Variants in CTNNA2 observed in about 807,000 individuals in gnomAD.
CTNNA2 encodes catenin alpha-2.
A neutral mutation model predicts 101.0 loss-of-function variants in CTNNA2; 42 were observed. The observed-to-expected ratio is 0.42, with a 90% confidence interval of 0.32 to 0.54. The LOEUF is 0.54. Among genes scored for constraint, CTNNA2 ranks in the 20% least tolerant of loss-of-function variants. The pLI, the probability that CTNNA2 is intolerant of heterozygous loss-of-function variation, is 0.14. For synonymous variants in CTNNA2, 450 were observed against 456.4 expected, an observed-to-expected ratio of 0.99 and a Z score of 0.18; for missense variants, 871 against 1,223.1, an observed-to-expected ratio of 0.71 and a Z score of 4.29.
chr2:79,701,259 C>T (rs138703495), intron 2 of CTNNA2, among the ~76,000 whole-genome samples: 22 of 152,212 alleles, frequency 1.4e-4, no homozygotes, highest in Non-Finnish European at 2.8e-4. Flanking sequence ...TGCCCAGAAT[C>T]ACATAACTAG....
At chr2:79,682,269 G>A (rs1683617108) in intron 2 of CTNNA2, among the ~76,000 whole-genome samples, 1 of 151,892 alleles carries the variant, frequency 6.6e-6, no homozygotes, top group Non-Finnish European at 1.5e-5. Context: ...AACTTAGCCA[G>A]GTGTGGTGGC....
chr2:80,513,648 G>A (rs901462813), intron 9 of CTNNA2, among the ~76,000 whole-genome samples: 14 of 152,318 alleles, frequency 9.2e-5, no homozygotes, highest in African/African-American at 3.4e-4. Context: ...TCACATGATA[G>A]ATGGAACGCA....
At chr2:80,009,283 C>T (rs1693598369) in intron 7 of CTNNA2, among the ~76,000 whole-genome samples, 1 of 152,202 alleles carries the variant, frequency 6.6e-6, no homozygotes, top group African/African-American at 2.4e-5. Flanking sequence ...TTATTTTACT[C>T]TGAGAACTGC....
intron 7 of CTNNA2, among the ~76,000 whole-genome samples, chr2:80,146,235 C>A (rs1470583445): frequency 6.6e-6 from 1 of 152,198 alleles, no homozygotes; most frequent in Non-Finnish European, 1.5e-5. Flanking sequence ...TAGCCAATAA[C>A]ACGTGGAGCA....
At chr2:80,104,166 G>A (rs184220015) in intron 7 of CTNNA2, among the ~76,000 whole-genome samples, 3 of 152,108 alleles carry the variant, frequency 2.0e-5, no homozygotes, top group South Asian at 2.1e-4. Context: ...TATGCAAAGC[G>A]CTAGAATGTG....
At position 79,513,190 on chromosome 2, in the gene CTNNA2, T is replaced by A. The variant is rs1671613953; in HGVS notation, c.-23T>A. 6.6e-6 allele frequency: 1 copy of A among 152,172 alleles called. No homozygotes were observed. The highest frequency in any genetic ancestry group is 6.6e-5 in the Admixed American group (1 of 15,236). The allele number at this position is 152,172 out of a possible 1,614,324, so 9.4% of individuals were successfully genotyped here. A position where few individuals can be genotyped will look rare whatever the true frequency, so the allele number is the denominator to read the frequency against. On this transcript the variant is annotated 5_prime_UTR_variant, in exon 1 of 19. Transcript: ENST00000402739. ...CGAGAAAGAGGAGGAGGCGAGAAAC[T>A]CCCACCGACCCACAGAGGTGAGTCC...
intron 1 of CTNNA2, among the ~76,000 whole-genome samples, chr2:79,192,080 C>CTT (rs545974483): frequency 6.7e-6 from 1 of 148,920 alleles, no homozygotes; most frequent in African/African-American, 2.5e-5. Flanking sequence ...GTTATTCCTT[C>CTT]TTTTTTTTTT....
chr2:80,215,756 C>G (rs1316209965), intron 7 of CTNNA2, among the ~76,000 whole-genome samples: 1 of 152,296 alleles, frequency 6.6e-6, no homozygotes, highest in African/African-American at 2.4e-5. Flanking sequence ...ATCTCAAACT[C>G]TGTGCTGGGA....
At chr2:79,750,331 C>T (rs756245939) in intron 3 of CTNNA2, among the ~76,000 whole-genome samples, 1 of 152,166 alleles carries the variant, frequency 6.6e-6, no homozygotes, top group Non-Finnish European at 1.5e-5. Context: ...CCAGGCCTCA[C>T]CCCTCTTCAA....
At chr2:79,875,130 T>C (rs577812380) in intron 6 of CTNNA2, among the ~76,000 whole-genome samples, 2 of 152,258 alleles carry the variant, frequency 1.3e-5, no homozygotes, top group East Asian at 1.9e-4. Context: ...ACACTGGCTG[T>C]TTCTGTAGGT....
At chr2:80,282,590 C>G (rs1674465547) in intron 7 of CTNNA2, among the ~76,000 whole-genome samples, 1 of 152,132 alleles carries the variant, frequency 6.6e-6, no homozygotes. Context: ...ACTGCTCCCT[C>G]TCTCCTATTA....
chr2:79,867,584 C>T (rs1241120878), intron 4 of CTNNA2, among the ~76,000 whole-genome samples: 2 of 152,050 alleles, frequency 1.3e-5, no homozygotes, highest in African/African-American at 2.4e-5. Context: ...CTTAAGTTTA[C>T]CTTTACACGG....
At chr2:80,063,713 G>T (rs1048215043) in intron 7 of CTNNA2, among the ~76,000 whole-genome samples, 1 of 152,214 alleles carries the variant, frequency 6.6e-6, no homozygotes, top group Non-Finnish European at 1.5e-5. Flanking sequence ...GTATCTTACA[G>T]CATTGATAAA....
At chr2:80,364,556 ATTTTTTT>A (rs57073635) in intron 7 of CTNNA2, among the ~76,000 whole-genome samples, 13 of 123,516 alleles carry the variant, frequency 1.1e-4, no homozygotes, top group African/African-American at 2.7e-4. Flanking sequence ...AGAGAAAGTA[ATTTTTTT>A]TTTTTTTTTT....
chr2:80,128,335 C>T (rs557173717), intron 7 of CTNNA2, among the ~76,000 whole-genome samples: 3 of 152,096 alleles, frequency 2.0e-5, no homozygotes, highest in Non-Finnish European at 4.4e-5. Context: ...CAGCTTGGTA[C>T]TATGAGAGGC....
intron 7 of CTNNA2, among the ~76,000 whole-genome samples, chr2:80,293,038 AAATTT>A (rs1438963771): frequency 6.6e-6 from 1 of 152,236 alleles, no homozygotes; most frequent in Non-Finnish European, 1.5e-5. Context: ...TTTAAAATAA[AAATTT>A]AATAAAATAA....
chr2:80,162,895 C>T (rs908240245), intron 7 of CTNNA2: 37 of 1,577,608 alleles, frequency 2.3e-5, no homozygotes, highest in South Asian at 6.6e-5. Context: ...CTAGTCCTTT[C>T]GTACCTGCTA....
chr2:79,629,068 C>G lies in CTNNA2; in HGVS notation c.-5-22484C>G, dbSNP rs541618891. 2.2e-4 allele frequency among the ~76,000 whole-genome samples: 34 copies of G among 152,296 alleles called. No homozygotes were observed. The South Asian group carries it at 7.1e-3, about 32-fold the overall frequency. On this transcript the variant is annotated intron_variant, in intron 1 of 18. Coordinates refer to ENST00000402739, the MANE Select transcript of CTNNA2 (RefSeq NM_001282597.3). ...TCCTAGGACTTTTGAGACCTCCTGT[C>G]TCCTTCCCCACTCTCCACTTCCGTC... is the stretch of plus-strand genomic sequence containing the variant.
At chr2:79,642,380 A>C (rs1680506713) in intron 1 of CTNNA2, among the ~76,000 whole-genome samples, 1 of 152,194 alleles carries the variant, frequency 6.6e-6, no homozygotes, top group Non-Finnish European at 1.5e-5. Context: ...ATTGCATATC[A>C]CTGCAATTTT....
Sources: allele counts gnomAD v4.1 joint callset (sites outside exome capture counted in the v4.1 genomes callset), GRCh38; gene constraint gnomAD v4.1.1; transcripts MANE v1.5; gene names NCBI Gene and HGNC (gene_info 2026-07-23, HGNC 2026-07-21).